COL28A1: variants seen among roughly 807,000 people sequenced by gnomAD.
COL28A1 encodes the protein collagen type XXVIII alpha 1 chain.
In COL28A1, 161 loss-of-function variants were observed where a neutral mutation model predicts 150.2. The observed-to-expected ratio is 1.07, with a 90% CI of 0.94 to 1.22. The LOEUF is 1.22. Among genes scored for constraint, COL28A1 ranks in the 50% most tolerant of loss-of-function variants. The pLI is 0.00. For synonymous variants in COL28A1, 552 were observed against 469.7 expected (o/e 1.18, Z -2.26); for missense variants, 1,617 against 1,388.3 (o/e 1.16, Z -2.62).
At chr7:7,407,166 A>T (rs976030149) in intron 27 of COL28A1, among the ~76,000 whole-genome samples, 5 of 151,994 alleles carry the variant, frequency 3.3e-5, no homozygotes, top group Admixed American at 6.6e-5. Flanking sequence ...AATATATATA[A>T]AAAAGATATG....
At chr7:7,532,983 G>A in intron 1 of COL28A1, 71 bp from the exon 2 acceptor site, 1 of 1,368,624 alleles carries the variant, frequency 7.3e-7, no homozygotes. Flanking sequence ...TTTCAAGCCA[G>A]CAGGGTTGAA....
intron 13 of COL28A1, among the ~76,000 whole-genome samples, chr7:7,486,195 T>C (rs955334188): frequency 1.3e-5 from 2 of 152,162 alleles, no homozygotes; most frequent in Non-Finnish European, 2.9e-5. Context: ...GTATTTTCTT[T>C]TTTAGCAATT....
chr7:7,488,192 G>A (rs1779730638), intron 13 of COL28A1, among the ~76,000 whole-genome samples: 1 of 152,068 alleles, frequency 6.6e-6, no homozygotes. Context: ...ATAAGTTAGT[G>A]GTTTATCTTT....
chr7:7,394,682 G>A (rs577481812), intron 27 of COL28A1, among the ~76,000 whole-genome samples: 3 of 151,974 alleles, frequency 2.0e-5, no homozygotes, highest in East Asian at 1.9e-4. Context: ...TATCTACCCC[G>A]AGACTGTGAA....
In COL28A1 at chr7:7,382,590, T is replaced by C. The variant is rs1344688987; in HGVS notation, c.2137-978A>G. ...CACTAGCAAGTATACAAAGTCATAG[T>C]TCTAATGCTCCTTGGATCTTATACT... is the stretch of plus-strand genomic sequence containing the variant. On this transcript the variant is annotated intron_variant, in intron 27 of 34. Coordinates refer to ENST00000399429, the MANE Select transcript of COL28A1 (RefSeq NM_001037763.3). 1.1e-4 allele frequency among the ~76,000 whole-genome samples: 16 copies of C among 152,218 alleles called. No individual in the cohort carries two copies. The East Asian group carries it at 2.9e-3, about 28-fold the overall frequency.
At chr7:7,498,316 C>A (rs937050917) in intron 11 of COL28A1, among the ~76,000 whole-genome samples, 1 of 152,148 alleles carries the variant, frequency 6.6e-6, no homozygotes, top group Admixed American at 6.5e-5. Flanking sequence ...TGTTTAGAAT[C>A]CTCCAGCACA....
chr7:7,394,479 C>T (rs538991442), intron 27 of COL28A1, among the ~76,000 whole-genome samples: 56 of 152,250 alleles, frequency 3.7e-4, no homozygotes, highest in African/African-American at 1.1e-3. Flanking sequence ...TCTTACTTTT[C>T]GTAAGGTTTA....
At chr7:7,500,429 C>A (rs909483373) in intron 11 of COL28A1, among the ~76,000 whole-genome samples, 6 of 152,212 alleles carry the variant, frequency 3.9e-5, no homozygotes, top group African/African-American at 1.4e-4. Context: ...GTTCCCAAAT[C>A]TTCTGATTTA....
At position 7,456,075 on chromosome 7, in the gene COL28A1, C is replaced by A. The variant is rs954369076; in HGVS notation, c.1340G>T (p.Gly447Val). The change falls in exon 16 of 35, where the codon GGT (glycine) becomes GTT (valine). Residue 447 changes from glycine (G) to valine (V), a missense_variant. Physicochemically the swap from Gly to Val is moderately radical, Grantham distance 109 (BLOSUM62 -3). Coordinates refer to ENST00000399429, the MANE Select transcript of COL28A1 (RefSeq NM_001037763.3). Reference protein sequence around the residue: ...IGPVGPQGPMGIPGIGSQGEQ... With the variant: ...IGPVGPQGPMVIPGIGSQGEQ... ...CCCTTGACTCCCGATTCCAGGGATACCCATTGGTCCTTGGGGTCCCACAGG... is the reference window on the plus strand; with the variant it reads ...CCCTTGACTCCCGATTCCAGGGATAACCATTGGTCCTTGGGGTCCCACAGG... 1 of 1,613,878 alleles carries A rather than the reference C, an allele frequency of 6.2e-7. No homozygotes were observed. Among genetic ancestry groups the A allele is most frequent in the East Asian group, 2.2e-5 (1 of 44,850 alleles).
chr7:7,463,138 C>T (rs995332173), intron 15 of COL28A1, among the ~76,000 whole-genome samples: 10 of 151,968 alleles, frequency 6.6e-5, no homozygotes, highest in African/African-American at 2.2e-4. Flanking sequence ...AACTTCCCCA[C>T]CCCTGCTAGA....
Position 7,432,525 on chromosome 7 carries a change from G to C in COL28A1, c.1946C>G (p.Pro649Arg). ...TAAACCCATCGGCCCAGGGGGTCCT[G>C]GTAATCCACGAGGTCCCTGAGATGA... ...YPGVPGPRGL[P>R]GPPGPMGLRG... The change falls in exon 25 of 35, where the codon CCA becomes CGA. Residue 649 changes from proline (P) to arginine (R), a missense_variant. Transcript: ENST00000399429. 1.2e-6 allele frequency: 2 copies of C among 1,614,020 alleles called. No individual in the cohort carries two copies. The highest frequency in any genetic ancestry group is 2.7e-5 in the African/African-American group (2 of 75,020).
intron 31 of COL28A1, among the ~76,000 whole-genome samples, chr7:7,374,038 A>AATATATATATATATATATATATATAT (rs60964603): frequency 8.8e-6 from 1 of 113,658 alleles, no homozygotes; most frequent in Non-Finnish European, 1.7e-5. Flanking sequence ...AAAAAAAAAA[A>AATATATATATATATATATATATATAT]ATATATATAT....
chr7:7,403,594 A>G (rs561018452), intron 27 of COL28A1, among the ~76,000 whole-genome samples: 30 of 152,308 alleles, frequency 2.0e-4, no homozygotes, highest in African/African-American at 6.7e-4. Context: ...GTCAGTAAGG[A>G]TGAGTGCTAC....
At chr7:7,412,881 A>G (rs1783865717) in intron 27 of COL28A1, among the ~76,000 whole-genome samples, 1 of 152,144 alleles carries the variant, frequency 6.6e-6, no homozygotes, top group Non-Finnish European at 1.5e-5. Context: ...ACAAAGATAA[A>G]TGATTTGTCT....
chr7:7,462,471 T>G (rs1417787827), intron 15 of COL28A1, among the ~76,000 whole-genome samples: 1 of 152,054 alleles, frequency 6.6e-6, no homozygotes. Context: ...GTAAGGAAAT[T>G]TAAAAAATGA....
intron 30 of COL28A1, among the ~76,000 whole-genome samples, chr7:7,378,712 G>A (rs991422891): frequency 2.6e-5 from 4 of 152,174 alleles, no homozygotes; most frequent in South Asian, 2.1e-4. Context: ...GCTCTGCTAC[G>A]TGCCAGCTAG....
chr7:7,517,835 G>A lies in COL28A1; in HGVS notation c.816C>T (p.Gly272=). Residue 272 remains glycine (G), a splice_region_variant and synonymous_variant, in exon 7 of 35, where the codon GGC becomes GGT. Transcript: ENST00000399429. ...KGERGPKGNP[G]NAQKGEAGER... Reference sequence around the variant, plus strand: ...CTCCAGCTTCTCCTTTTTGAGCGTTGCCCTGTGACAAACAAAAAACAGTAA... The same window carrying A: ...CTCCAGCTTCTCCTTTTTGAGCGTTACCCTGTGACAAACAAAAAACAGTAA... The A allele has an allele frequency of 2.5e-6, 4 of 1,613,594 alleles. No individual in the cohort carries two copies. The highest frequency in any genetic ancestry group is 3.4e-6 in the Non-Finnish European group (4 of 1,179,660).
rs370330709 is a variant in COL28A1, at chr7:7,521,191, A to G, written c.759+714T>C. 2.8e-4 allele frequency among the ~76,000 whole-genome samples: 43 copies of G among 152,330 alleles called. 1 individual carries two copies. Among genetic ancestry groups the G allele is most frequent in the African/African-American group, 9.6e-4 (40 of 41,576 alleles). Reference sequence around the variant, plus strand: ...ATACAAATAAATAGAAGACTGAATGAGCACGTGAATGCTTTATGAAGATAA... The same window carrying G: ...ATACAAATAAATAGAAGACTGAATGGGCACGTGAATGCTTTATGAAGATAA... On this transcript the variant is annotated intron_variant, in intron 5 of 34. Coordinates refer to ENST00000399429, the MANE Select transcript of COL28A1 (RefSeq NM_001037763.3).
intron 27 of COL28A1, among the ~76,000 whole-genome samples, chr7:7,409,220 GA>G (rs1437615061): frequency 6.6e-6 from 1 of 152,100 alleles, no homozygotes; most frequent in Non-Finnish European, 1.5e-5. Context: ...TGATGGGTAG[GA>G]AAAGGATAAA....
Sources: allele counts gnomAD v4.1 joint callset (sites outside exome capture counted in the v4.1 genomes callset), GRCh38; gene constraint gnomAD v4.1.1; transcripts MANE v1.5; gene names NCBI Gene and HGNC (gene_info 2026-07-23, HGNC 2026-07-21).